The following ARHGAP28 variants were observed in gnomAD, a reference collection of about 807,000 sequenced individuals.
The protein encoded by ARHGAP28 is Rho GTPase activating protein 28, also known as rho GTPase-activating protein 28.
Under a neutral mutation model 90.7 loss-of-function variants are expected in ARHGAP28, and 56 were observed. The observed-to-expected ratio is 0.62, with a 90% CI of 0.50 to 0.77. The LOEUF is 0.77. Ranked by LOEUF, ARHGAP28 falls within the 30% of genes least tolerant of loss-of-function variation. The pLI is 0.00. For missense variants in ARHGAP28, 869 were observed against 900.9 expected, an observed-to-expected ratio of 0.96 and a Z score of 0.45; for synonymous variants, 308 against 323.3, an observed-to-expected ratio of 0.95 and a Z score of 0.51.
chr18:6,821,871 T>C (rs181344616), intron 1 of ARHGAP28, among the ~76,000 whole-genome samples: 94 of 152,320 alleles, frequency 6.2e-4, no homozygotes, highest in African/African-American at 2.1e-3. Flanking sequence ...AATTGAAATA[T>C]CATCATTAGC....
intron 11 of ARHGAP28, among the ~76,000 whole-genome samples, chr18:6,883,482 C>T (rs2057196296): frequency 1.3e-5 from 2 of 152,060 alleles, no homozygotes. Context: ...CAAGTGATCT[C>T]CCTGCCTCAC....
At position 6,855,826 on chromosome 18, in the gene ARHGAP28, C is replaced by G. The variant is rs1373814263; in HGVS notation, c.637-3982C>G. 3.3e-5 allele frequency among the ~76,000 whole-genome samples: 5 copies of G among 152,338 alleles called. No homozygotes were observed. In the East Asian group the frequency reaches 9.7e-4, roughly 29 times the overall value. On this transcript the variant is annotated intron_variant, in intron 4 of 17. Coordinates refer to ENST00000383472, the MANE Select transcript of ARHGAP28 (RefSeq NM_001366230.1). The stretch of plus-strand genomic sequence containing the variant: ...ACAGTGGAAGCCACCTGTGGTACAC[C>G]TGGTCCAGCCGTAGCCTTGTACAGA...
chr18:6,886,168 C>A (rs1452213716), intron 11 of ARHGAP28, among the ~76,000 whole-genome samples: 5 of 152,164 alleles, frequency 3.3e-5, no homozygotes. Flanking sequence ...TGCTATACAG[C>A]TCAGTTAACT....
At chr18:6,878,228 A>T (rs1392000772) in intron 10 of ARHGAP28, among the ~76,000 whole-genome samples, 1 of 151,734 alleles carries the variant, frequency 6.6e-6, no homozygotes, top group South Asian at 2.1e-4. Context: ...CATCATTCTC[A>T]GCAAACTATC....
At chr18:6,887,293 A>G (rs993358693) in intron 12 of ARHGAP28, 54 bp downstream of exon 12, 1 of 1,528,022 alleles carries the variant, frequency 6.5e-7, no homozygotes, top group Non-Finnish European at 9.0e-7. Flanking sequence ...CTCAGAGGAC[A>G]TGGCTCATAT....
At chr18:6,898,389 A>T in intron 16 of ARHGAP28, 1 of 849,366 alleles carries the variant, frequency 1.2e-6, no homozygotes, top group Non-Finnish European at 1.9e-6. Context: ...TATATAATAT[A>T]TACACATATA....
At chr18:6,753,465 TCA>T (rs1411560547) in intron 1 of ARHGAP28, among the ~76,000 whole-genome samples, 1 of 152,196 alleles carries the variant, frequency 6.6e-6, no homozygotes, top group Non-Finnish European at 1.5e-5. Flanking sequence ...TGTGTGTGAT[TCA>T]CAGAGTTAAT....
At chr18:6,808,266 A>AT (rs1266471612) in intron 1 of ARHGAP28, among the ~76,000 whole-genome samples, 2 of 151,886 alleles carry the variant, frequency 1.3e-5, no homozygotes, top group African/African-American at 4.8e-5. Flanking sequence ...CACATATTGT[A>AT]TTTTTTATGT....
intron 1 of ARHGAP28, chr18:6,730,164 C>T (rs1324934820): frequency 1.8e-5 from 6 of 335,924 alleles, no homozygotes; most frequent in Middle Eastern, 7.4e-4. Flanking sequence ...CGTTGGCTAG[C>T]AGAGATTAGC....
chr18:6,782,592 A>ATTTTTTTTTTTTTTTT lies in ARHGAP28; in HGVS notation c.123-42148_123-42133dup, dbSNP rs10602816. 2.6e-4 allele frequency among the ~76,000 whole-genome samples: 7 copies of ATTTTTTTTTTTTTTTT among 26,690 alleles called. 3 individuals carry two copies. In the East Asian group the frequency reaches 3.9e-3, roughly 15 times the overall value. 17.5% of individuals were successfully genotyped at this position (26,690 alleles called of 152,430 possible). A position where few individuals can be genotyped will look rare whatever the true frequency, so the allele number is the denominator to read the frequency against. The stretch of plus-strand genomic sequence containing the variant: ...GCCATCACGCCCAGCTAATTTTTGT[A>ATTTTTTTTTTTTTTTT]TTTTTTTTTTTTTTTTTTTTTTTTT... On this transcript the variant is annotated intron_variant, in intron 1 of 17. Coordinates refer to ENST00000383472, the MANE Select transcript of ARHGAP28 (RefSeq NM_001366230.1).
intron 1 of ARHGAP28, among the ~76,000 whole-genome samples, chr18:6,740,673 C>T (rs1600142328): frequency 6.6e-6 from 1 of 152,302 alleles, no homozygotes; most frequent in East Asian, 1.9e-4. Flanking sequence ...CTGGACTTTT[C>T]TGCTAACTGC....
Position 6,838,087 on chromosome 18 carries a change from T to C in ARHGAP28, c.543+673T>C, listed in dbSNP as rs932274138. On this transcript the variant is annotated intron_variant, in intron 3 of 17. Transcript: ENST00000383472. ...ATAGCTTACTTGTTCATTTATTCAT[T>C]GCACAATTGCAATGTTACATTACAA... is the stretch of plus-strand genomic sequence containing the variant. Among the ~76,000 whole-genome samples the C allele has an allele frequency of 1.6e-4, 24 of 152,374 alleles. 2 individuals carry two copies. The highest frequency in any genetic ancestry group is 1.2e-3 in the Admixed American group (18 of 15,310).
intron 1 of ARHGAP28, among the ~76,000 whole-genome samples, chr18:6,772,884 G>A (rs1165551862): frequency 6.6e-6 from 1 of 151,964 alleles, no homozygotes; most frequent in Non-Finnish European, 1.5e-5. Flanking sequence ...GGGATTATAG[G>A]CATGCATCAC....
chr18:6,902,478 A>G (rs1428707488), intron 16 of ARHGAP28, among the ~76,000 whole-genome samples: 4 of 152,188 alleles, frequency 2.6e-5, no homozygotes, highest in African/African-American at 7.2e-5. Context: ...GAATAATTTC[A>G]GAGTAAAATA....
Position 6,906,414 on chromosome 18 carries a change from C to T in ARHGAP28, c.2031-2546C>T, listed in dbSNP as rs767681733. On this transcript the variant is annotated intron_variant, in intron 16 of 17. Transcript: ENST00000383472. ...CTTTTTCTCATCCCACACTGAGACT[C>T]TATACCCATTCTCCCTGCCTTTAGC... Among the ~76,000 whole-genome samples, 35 of 152,324 alleles carry T rather than the reference C, an allele frequency of 2.3e-4. 1 individual carries two copies. Among genetic ancestry groups the T allele is most frequent in the Middle Eastern group, 6.8e-3 (2 of 294 alleles).
intron 1 of ARHGAP28, among the ~76,000 whole-genome samples, chr18:6,766,395 C>T (rs1461159868): frequency 1.3e-5 from 2 of 152,102 alleles, no homozygotes; most frequent in Non-Finnish European, 2.9e-5. Flanking sequence ...GTTGTAATAG[C>T]CATAGAGTTG....
chr18:6,892,174 A>G (rs528939461), intron 14 of ARHGAP28, among the ~76,000 whole-genome samples: 10 of 152,270 alleles, frequency 6.6e-5, no homozygotes, highest in African/African-American at 1.7e-4. Flanking sequence ...AATTATACCA[A>G]TTCAGTGTGT....
chr18:6,884,165 G>C (rs2057201654), intron 11 of ARHGAP28, among the ~76,000 whole-genome samples: 1 of 152,022 alleles, frequency 6.6e-6, no homozygotes, highest in Non-Finnish European at 1.5e-5. Context: ...ACGAGTTCAG[G>C]AGATCGAGAC....
chr18:6,838,091 C>G (rs1343672705), intron 3 of ARHGAP28, among the ~76,000 whole-genome samples: 1 of 152,164 alleles, frequency 6.6e-6, no homozygotes, highest in Non-Finnish European at 1.5e-5. Context: ...ATTCATTGCA[C>G]AATTGCAATG....
Sources: gnomAD v4.1 joint callset for allele counts (sites outside exome capture counted in the v4.1 genomes callset) on GRCh38, gnomAD v4.1.1 for gene constraint, MANE v1.5 for transcripts, NCBI Gene and HGNC (gene_info 2026-07-23, HGNC 2026-07-21) for gene names.